ZMAT4: variants seen among roughly 807,000 people sequenced by gnomAD.
ZMAT4 encodes zinc finger matrin-type 4.
ZMAT4 carries 17 observed loss-of-function variants against 28.7 expected under a neutral mutation model. The observed-to-expected ratio is 0.59, with a 90% CI of 0.41 to 0.89. The LOEUF (loss-of-function observed/expected upper bound fraction) is 0.89, where lower values mean the gene tolerates loss of function less well. ZMAT4 is among the 40% of genes least tolerant of loss of function. The pLI is 0.00. For missense variants in ZMAT4, 240 were observed against 283.8 expected, an observed-to-expected ratio of 0.85 and a Z score of 1.11; for synonymous variants, 117 against 109.2, an observed-to-expected ratio of 1.07 and a Z score of -0.44.
At chr8:40,706,902 TC>T (rs1234480342) in intron 3 of ZMAT4, among the ~76,000 whole-genome samples, 1 of 152,052 alleles carries the variant, frequency 6.6e-6, no homozygotes, top group Non-Finnish European at 1.5e-5. Context: ...AGCACACCTC[TC>T]CCCCACTAGA....
chr8:40,863,619 T>C (rs1265793530), intron 1 of ZMAT4, among the ~76,000 whole-genome samples: 1 of 152,166 alleles, frequency 6.6e-6, no homozygotes, highest in East Asian at 1.9e-4. Flanking sequence ...CCAGTAGAAA[T>C]GTCCAGTACT....
At chr8:40,826,052 A>G (rs2150613034) in intron 1 of ZMAT4, among the ~76,000 whole-genome samples, 1 of 152,358 alleles carries the variant, frequency 6.6e-6, no homozygotes, top group Non-Finnish European at 1.5e-5. Context: ...TGAGGCCAAG[A>G]GTTTGAGACC....
intron 5 of ZMAT4, among the ~76,000 whole-genome samples, chr8:40,660,664 T>C (rs577288510): frequency 6.6e-6 from 1 of 152,326 alleles, no homozygotes; most frequent in South Asian, 2.1e-4. Context: ...AGGTTTCAGA[T>C]GCAATTTATC....
At chr8:40,679,934 C>A (rs1433277040) in intron 4 of ZMAT4, among the ~76,000 whole-genome samples, 1 of 151,994 alleles carries the variant, frequency 6.6e-6, no homozygotes, top group African/African-American at 2.4e-5. Context: ...AATATGGTAA[C>A]CAAGAGTTTT....
At chr8:40,556,261 C>T (rs1168337686) in intron 6 of ZMAT4, among the ~76,000 whole-genome samples, 1 of 152,104 alleles carries the variant, frequency 6.6e-6, no homozygotes, top group Admixed American at 6.6e-5. Flanking sequence ...TGTGCTTCTC[C>T]CAACACTCTT....
intron 6 of ZMAT4, among the ~76,000 whole-genome samples, chr8:40,575,287 A>G (rs1804224161): frequency 6.6e-6 from 1 of 152,146 alleles, no homozygotes; most frequent in South Asian, 2.1e-4. Flanking sequence ...CTATGCGCCC[A>G]GCCAGAGAAA....
In ZMAT4 at chr8:40,672,470, C is replaced by T. The variant is rs138978562; in HGVS notation, c.577+2234G>A. Among the ~76,000 whole-genome samples the T allele has an allele frequency of 5.1e-4, 78 of 152,266 alleles. 1 individual carries two copies. The highest frequency in any genetic ancestry group is 1.7e-3 in the African/African-American group (72 of 41,568). On this transcript the variant is annotated intron_variant, in intron 5 of 6. Coordinates refer to ENST00000297737, the MANE Select transcript of ZMAT4 (RefSeq NM_024645.3). Reference sequence around the variant, plus strand: ...GGTTTCAAGGACATTGTGCTCAATGCTAATCGCATTCCATGGGCTACTGAG... The same window carrying T: ...GGTTTCAAGGACATTGTGCTCAATGTTAATCGCATTCCATGGGCTACTGAG...
At chr8:40,533,319 T>A (rs1184480860) in intron 6 of ZMAT4, among the ~76,000 whole-genome samples, 19 of 152,164 alleles carry the variant, frequency 1.2e-4, no homozygotes, top group Admixed American at 1.2e-3. Context: ...GTGAGAGAGC[T>A]TGTTGACATC....
intron 1 of ZMAT4, among the ~76,000 whole-genome samples, chr8:40,831,887 C>T (rs945328092): frequency 6.6e-6 from 1 of 152,186 alleles, no homozygotes; most frequent in African/African-American, 2.4e-5. Flanking sequence ...TGAAGTACTT[C>T]CCCTGAGCCA....
intron 3 of ZMAT4, among the ~76,000 whole-genome samples, chr8:40,703,687 T>C (rs910748887): frequency 1.4e-4 from 21 of 152,178 alleles, no homozygotes; most frequent in African/African-American, 5.1e-4. Flanking sequence ...GCTCTGTGAA[T>C]ATACCTAAAA....
intron 1 of ZMAT4, among the ~76,000 whole-genome samples, chr8:40,878,615 A>C (rs1053315140): frequency 1.3e-5 from 2 of 152,188 alleles, no homozygotes; most frequent in Non-Finnish European, 2.9e-5. Context: ...ATATCCTCAA[A>C]ATATATTTGT....
chr8:40,781,537 C>A (rs997808032), intron 2 of ZMAT4, among the ~76,000 whole-genome samples: 10 of 151,264 alleles, frequency 6.6e-5, no homozygotes, highest in African/African-American at 2.4e-4. Flanking sequence ...CCGAGGCGGG[C>A]GGATCACGAG....
intron 3 of ZMAT4, among the ~76,000 whole-genome samples, chr8:40,762,612 T>A (rs1471558220): frequency 6.6e-6 from 1 of 151,954 alleles, no homozygotes; most frequent in Non-Finnish European, 1.5e-5. Flanking sequence ...GCTATAATCA[T>A]GCCACTGCAT....
rs534475112 is a variant in ZMAT4, at chr8:40,813,138, C to T, written c.102+12437G>A. Among the ~76,000 whole-genome samples the T allele has an allele frequency of 1.2e-3, 185 of 151,816 alleles. 4 individuals carry two copies. The highest frequency in any genetic ancestry group is 4.1e-3 in the African/African-American group (170 of 41,420). Reference sequence around the variant, plus strand: ...ACAAAAATATTCCATACTTTATAACCTTCTTGTAAATCTAAAACTATTCTA... The same window carrying T: ...ACAAAAATATTCCATACTTTATAACTTTCTTGTAAATCTAAAACTATTCTA... On this transcript the variant is annotated intron_variant, in intron 2 of 6. Coordinates refer to ENST00000297737, the MANE Select transcript of ZMAT4 (RefSeq NM_024645.3).
chr8:40,721,063 G>A (rs1045643917), intron 3 of ZMAT4, among the ~76,000 whole-genome samples: 3 of 149,252 alleles, frequency 2.0e-5, no homozygotes, highest in African/African-American at 7.4e-5. Context: ...GTGCCATGCT[G>A]GTGCACTGCA....
chr8:40,838,332 C>A (rs892007643), intron 1 of ZMAT4, among the ~76,000 whole-genome samples: 2 of 152,008 alleles, frequency 1.3e-5, no homozygotes, highest in African/African-American at 4.8e-5. Context: ...GCTGGTGATG[C>A]CCCTCTTTTG....
intron 5 of ZMAT4, among the ~76,000 whole-genome samples, chr8:40,653,236 C>T (rs190875100): frequency 9.9e-5 from 15 of 152,018 alleles, no homozygotes; most frequent in Admixed American, 7.9e-4. Context: ...TCCAAACTTA[C>T]AGGATGCAGC....
intron 3 of ZMAT4, among the ~76,000 whole-genome samples, chr8:40,714,944 G>T (rs7012486): frequency 6.6e-6 from 1 of 150,748 alleles, no homozygotes; most frequent in African/African-American, 2.4e-5. Context: ...AGCTACTTGG[G>T]AGGCTGAGGG....
intron 3 of ZMAT4, among the ~76,000 whole-genome samples, chr8:40,738,498 C>A (rs564989042): frequency 1.3e-5 from 2 of 152,290 alleles, no homozygotes; most frequent in East Asian, 3.9e-4. Flanking sequence ...AGGATGATAT[C>A]TGTGGATAAA....
Sources: gnomAD v4.1 joint callset for allele counts (sites outside exome capture counted in the v4.1 genomes callset) on GRCh38, gnomAD v4.1.1 for gene constraint, MANE v1.5 for transcripts, NCBI Gene and HGNC (gene_info 2026-07-23, HGNC 2026-07-21) for gene names.